The following BLNK variants were observed in gnomAD, a reference collection of about 807,000 sequenced individuals.
BLNK encodes the protein B cell linker, also known as B-cell linker protein.
BLNK carries 29 observed loss-of-function variants against 73.5 expected under a neutral mutation model. The ratio of observed to expected loss-of-function variants is 0.39; its 90% CI spans 0.29 to 0.54. The LOEUF (loss-of-function observed/expected upper bound fraction) is 0.54. Ranked by LOEUF, BLNK falls within the 20% of genes least tolerant of loss-of-function variation. The pLI is 0.61. For missense variants in BLNK, 460 were observed against 562.8 expected (o/e 0.82, Z 1.85); for synonymous variants, 176 against 200.8 (o/e 0.88, Z 1.04).
chr10:96,196,367 G>C (rs1443813446), intron 16 of BLNK, among the ~76,000 whole-genome samples: 1 of 152,188 alleles, frequency 6.6e-6, no homozygotes, highest in Non-Finnish European at 1.5e-5. Context: ...GTTTGGTCCA[G>C]ATTAAAGAGG....
At chr10:96,197,519 T>G (rs1381276473) in intron 15 of BLNK, among the ~76,000 whole-genome samples, 2 of 152,164 alleles carry the variant, frequency 1.3e-5, no homozygotes, top group Non-Finnish European at 2.9e-5. Flanking sequence ...TTATAAAATT[T>G]AGAAATATGT....
In BLNK at chr10:96,200,085, C is replaced by T. The variant is rs781918280; in HGVS notation, c.1085G>A (p.Arg362Lys). The part of the protein sequence containing the change: ...DRKSAEEALH[R>K]SNKDGSFLIR... ...TAAAAATGATCAGACCTTGTTTGATCTGTGCAATGCCTCTTCAGCAGACTT... is the reference window on the plus strand; with the variant it reads ...TAAAAATGATCAGACCTTGTTTGATTTGTGCAATGCCTCTTCAGCAGACTT... Residue 362 changes from arginine to lysine, a missense_variant, in exon 15 of 17, where the codon AGA (arginine) becomes AAA (lysine). This residue lies in a region of BLNK where 88 missense variants were observed against 143.4 expected (regional missense o/e 0.61). Coordinates refer to ENST00000224337, the MANE Select transcript of BLNK (RefSeq NM_013314.4). This position sits in a 1 kb window ranked among gnomAD's most constrained non-coding sequence, Gnocchi z 4.3. The T allele has an allele frequency of 1.6e-5, 25 of 1,606,290 alleles. No individual in the cohort carries two copies. In the East Asian group the frequency reaches 5.4e-4, roughly 34 times the overall value.
intron 5 of BLNK, among the ~76,000 whole-genome samples, chr10:96,226,060 C>T (rs1029441810): frequency 1.3e-5 from 2 of 152,190 alleles, no homozygotes; most frequent in South Asian, 4.1e-4. Flanking sequence ...GGGTGGTGCA[C>T]AGAGCCGAGT....
At chr10:96,216,392 A>G in intron 7 of BLNK, 1 of 524,976 alleles carries the variant, frequency 1.9e-6, no homozygotes. Flanking sequence ...GAAGAGAACT[A>G]CCCAGGTGCT....
chr10:96,189,484 T>C lies in BLNK; in HGVS notation c.*2489A>G. 3.2e-6 allele frequency: 2 copies of C among 632,822 alleles called. No homozygotes were observed. The highest frequency in any genetic ancestry group is 7.2e-5 in the East Asian group (2 of 27,764). The allele number at this position is 632,822 out of a possible 1,614,324, so 39.2% of individuals were successfully genotyped here. ...GGAAGAGAACCACCTTTTTCTATAC[T>C]TGCTTGCATTTTTGATTTAATGTCT... On this transcript the variant is annotated 3_prime_UTR_variant, in exon 17 of 17. Transcript: ENST00000224337.
chr10:96,250,454 G>C (rs529845735), intron 1 of BLNK, among the ~76,000 whole-genome samples: 15 of 151,894 alleles, frequency 9.9e-5, no homozygotes, highest in African/African-American at 3.4e-4. Context: ...GAAAGAGAGA[G>C]AGAGAGAGAG....
intron 1 of BLNK, among the ~76,000 whole-genome samples, chr10:96,261,764 A>T (rs72637514): frequency 0.072 from 10,956 of 152,212 alleles, 1,208 homozygotes; most frequent in East Asian, 0.54. Context: ...TCATGTTTGT[A>T]TGTGATTCTC....
intron 1 of BLNK, among the ~76,000 whole-genome samples, chr10:96,268,814 A>G (rs1329345878): frequency 6.6e-6 from 1 of 152,084 alleles, no homozygotes; most frequent in Non-Finnish European, 1.5e-5. Flanking sequence ...AGTCCTTTGG[A>G]TGGACACTCA....
rs782721998 is a variant in BLNK, at chr10:96,215,387, G to A, written c.610C>T (p.Pro204Ser). 1 of 1,611,054 alleles carries A rather than the reference G, an allele frequency of 6.2e-7. No individual in the cohort carries two copies. Among genetic ancestry groups the A allele is most frequent in the Admixed American group, 1.7e-5 (1 of 59,600 alleles). ...GGCTTGGTTGATCTATTCACCATGGGAGCTTAAACACAGAAATGTGTGTGT... is the reference window on the plus strand; with the variant it reads ...GGCTTGGTTGATCTATTCACCATGGAAGCTTAAACACAGAAATGTGTGTGT... ...ESSSPPPEKA[P>S]MVNRSTKPNS... is the part of the protein sequence containing the mutation. Residue 204 changes from proline (P) to serine (S), a missense_variant and splice_region_variant, in exon 8 of 17, where the codon CCC (proline) becomes TCC (serine). Physicochemically the swap from Pro to Ser is moderately conservative, Grantham distance 74 (BLOSUM62 -1). Transcript: ENST00000224337.
Position 96,266,056 on chromosome 10 carries a change from T to G in BLNK, c.47+5296A>C, listed in dbSNP as rs78850413. Among the ~76,000 whole-genome samples, 33 of 152,360 alleles carry G rather than the reference T, an allele frequency of 2.2e-4. No homozygotes were observed. In the East Asian group the frequency reaches 6.2e-3, roughly 28 times the overall value. ...TATTAAGAAGCCAAAGAAAGCGAAGTGTTTTAATTTCCCTAGAACAAGCTA... is the reference window on the plus strand; with the variant it reads ...TATTAAGAAGCCAAAGAAAGCGAAGGGTTTTAATTTCCCTAGAACAAGCTA... On this transcript the variant is annotated intron_variant, in intron 1 of 16. Coordinates refer to ENST00000224337, the MANE Select transcript of BLNK (RefSeq NM_013314.4).
At chr10:96,207,603 A>G (rs1361277576) in intron 10 of BLNK, among the ~76,000 whole-genome samples, 3 of 152,204 alleles carry the variant, frequency 2.0e-5, no homozygotes, top group South Asian at 2.1e-4. Flanking sequence ...TGGAGAGGGC[A>G]GGGAACCTGG....
chr10:96,262,981 C>G (rs886097532), intron 1 of BLNK, among the ~76,000 whole-genome samples: 1 of 152,182 alleles, frequency 6.6e-6, no homozygotes, highest in African/African-American at 2.4e-5. Context: ...ACCTTTCTCA[C>G]CTGTGGAATA....
At chr10:96,251,169 G>A (rs1339352597) in intron 1 of BLNK, among the ~76,000 whole-genome samples, 8 of 152,192 alleles carry the variant, frequency 5.3e-5, no homozygotes, top group African/African-American at 1.7e-4. Context: ...AAATTCTGAT[G>A]TCTATAGACT....
At chr10:96,215,293 A>C in intron 8 of BLNK, 28 bp downstream of exon 8, 1 of 1,607,476 alleles carries the variant, frequency 6.2e-7, no homozygotes, top group Non-Finnish European at 8.5e-7. Context: ...TAGACGTAAA[A>C]CCAAACCAAA....
At position 96,189,760 on chromosome 10, in the gene BLNK, A is replaced by G; in HGVS notation, c.*2213T>C. Reference sequence around the variant, plus strand: ...TTCATCAGCAGCAAGTTTTACTTTTATTCTCTGGAATCTTGCTACCACCTC... The same window carrying G: ...TTCATCAGCAGCAAGTTTTACTTTTGTTCTCTGGAATCTTGCTACCACCTC... On this transcript the variant is annotated 3_prime_UTR_variant, in exon 17 of 17. Transcript: ENST00000224337. 1 of 774,534 alleles carries G rather than the reference A, an allele frequency of 1.3e-6. No individual in the cohort carries two copies. The highest frequency in any genetic ancestry group is 2.3e-6 in the Non-Finnish European group (1 of 437,750). 48.0% of individuals were successfully genotyped at this position (774,534 alleles called of 1,614,324 possible). A position where few individuals can be genotyped will look rare whatever the true frequency, so the allele number is the denominator to read the frequency against.
chr10:96,270,119 GTGC>G (rs1394922368), intron 1 of BLNK, among the ~76,000 whole-genome samples: 1 of 152,164 alleles, frequency 6.6e-6, no homozygotes, highest in Non-Finnish European at 1.5e-5. Context: ...TGTCCCGTCA[GTGC>G]TGATCACACA....
chr10:96,249,438 A>T (rs1843185472), intron 1 of BLNK, among the ~76,000 whole-genome samples: 1 of 152,196 alleles, frequency 6.6e-6, no homozygotes, highest in Non-Finnish European at 1.5e-5. Flanking sequence ...ACCAAGTGTT[A>T]ATTTAAAGCT....
chr10:96,246,474 C>T (rs148386438), intron 2 of BLNK, among the ~76,000 whole-genome samples: 3,360 of 152,256 alleles, frequency 0.022, 159 homozygotes, highest in East Asian at 0.11. Context: ...ATCGCTTGAA[C>T]CCAGGAGGCA....
intron 1 of BLNK, among the ~76,000 whole-genome samples, chr10:96,254,776 G>A (rs1554910591): frequency 6.6e-6 from 1 of 152,160 alleles, no homozygotes; most frequent in African/African-American, 2.4e-5. Context: ...CTCCCAAATT[G>A]CTGGGATTAC....
Sources: gnomAD v4.1 joint callset for allele counts (sites outside exome capture counted in the v4.1 genomes callset) on GRCh38, gnomAD v4.1.1 for gene constraint, gnomAD v4.1.1 regional missense constraint, Gnocchi (gnomAD v3.1) non-coding constraint, MANE v1.5 for transcripts, NCBI Gene and HGNC (gene_info 2026-07-23, HGNC 2026-07-21) for gene names.